The following DNAH7 variants were observed in gnomAD, a reference collection of about 807,000 sequenced individuals.
The protein encoded by DNAH7 is axonemal beta dynein heavy chain 7.
In DNAH7, 397 loss-of-function variants were observed where a neutral mutation model predicts 444.6. The ratio of observed to expected loss-of-function variants is 0.89; its 90% CI spans 0.82 to 0.97. The LOEUF (loss-of-function observed/expected upper bound fraction) is 0.97, where lower values mean the gene tolerates loss of function less well. Ranked by LOEUF, DNAH7 falls within the 50% of genes least tolerant of loss-of-function variation. The probability of loss-of-function intolerance (pLI) is 0.00; values close to 1 mark genes in which losing one functional copy is unlikely to be tolerated. For missense variants in DNAH7, 4,902 were observed against 4,800.8 expected, an observed-to-expected ratio of 1.02 and a Z score of -0.62; for synonymous variants, 1,636 against 1,624.4, an observed-to-expected ratio of 1.01 and a Z score of -0.17.
chr2:195,909,281 A>T (rs1353382654), intron 25 of DNAH7, among the ~76,000 whole-genome samples: 1 of 152,204 alleles, frequency 6.6e-6, no homozygotes, highest in African/African-American at 2.4e-5. Context: ...GCTTTGAAAA[A>T]TTACAGAAAA....
At position 195,881,837 on chromosome 2, in the gene DNAH7, T is replaced by C. The variant is rs372122578; in HGVS notation, c.5919A>G (p.Ile1973Met). 4.3e-6 allele frequency: 7 copies of C among 1,613,952 alleles called. No homozygotes were observed. Among genetic ancestry groups the C allele is most frequent in the Non-Finnish European group, 5.9e-6 (7 of 1,179,952 alleles). The change falls in exon 36 of 65, where the codon ATA becomes ATG. Residue 1973 changes from isoleucine (I) to methionine (M), a missense_variant. Transcript: ENST00000312428. ...TCCCAGTTCCTGTTGGTCCTACAAA[T>C]ATTGAAGGCTTTTGATGGGTGGTCA... ...ELLTTHQKPSIFVGPTGTGKS... is the reference protein window; with the variant it reads ...ELLTTHQKPSMFVGPTGTGKS...
chr2:195,896,549 A>G (rs1702329950), intron 29 of DNAH7, among the ~76,000 whole-genome samples: 1 of 152,200 alleles, frequency 6.6e-6, no homozygotes, highest in Non-Finnish European at 1.5e-5. Flanking sequence ...TAGTTCAAAA[A>G]TGGCAGCGTA....
chr2:195,931,215 T>C (rs886543743), intron 21 of DNAH7, among the ~76,000 whole-genome samples: 1 of 152,206 alleles, frequency 6.6e-6, no homozygotes, highest in East Asian at 1.9e-4. Flanking sequence ...TTTAGCTGCA[T>C]AAATGTCTTC....
At chr2:195,966,137 TTGTTA>T (rs766448305) in intron 17 of DNAH7, among the ~76,000 whole-genome samples, 45 of 152,226 alleles carry the variant, frequency 3.0e-4, no homozygotes, top group African/African-American at 8.7e-4. Context: ...ACCATATGTT[TTGTTA>T]TGTTGTGTTT....
intron 16 of DNAH7, among the ~76,000 whole-genome samples, chr2:195,970,950 C>T (rs1691799730): frequency 6.6e-6 from 1 of 152,096 alleles, no homozygotes; most frequent in South Asian, 2.1e-4. Context: ...TACTTTAAAA[C>T]ATAGCATAAA....
At position 195,737,867 on chromosome 2, in the gene DNAH7, T is replaced by TTCTC; in HGVS notation, c.*50_*53dup. ...AAAGGTTTAAGTAGTAAAATATGCTTTCTCTACTCAGCCAGCCAACAAGAA... is the reference window on the plus strand; with the variant it reads ...AAAGGTTTAAGTAGTAAAATATGCTTTCTCTCTCTACTCAGCCAGCCAACAAGAA... On this transcript the variant is annotated 3_prime_UTR_variant, in exon 65 of 65. Coordinates refer to ENST00000312428, the MANE Select transcript of DNAH7 (RefSeq NM_018897.3). The TTCTC allele has an allele frequency of 6.7e-7, 1 of 1,482,394 alleles. No individual in the cohort carries two copies. The highest frequency in any genetic ancestry group is 1.4e-5 in the African/African-American group (1 of 72,312). 91.8% of individuals were successfully genotyped at this position (1,482,394 alleles called of 1,614,324 possible).
At chr2:195,876,379 G>A (rs1007673783) in intron 37 of DNAH7, among the ~76,000 whole-genome samples, 165 bp downstream of exon 37, 2 of 152,188 alleles carry the variant, frequency 1.3e-5, no homozygotes, top group Non-Finnish European at 2.9e-5. Context: ...AAGCTGTCTA[G>A]TGCACATACA....
chr2:195,901,835 T>C (rs1027380578), intron 27 of DNAH7: 3 of 152,248 alleles, frequency 2.0e-5, no homozygotes, highest in South Asian at 2.1e-4. Flanking sequence ...ATTTTACAAA[T>C]TGTAAAGATA....
intron 35 of DNAH7, 36 bp downstream of exon 35, chr2:195,884,549 G>T: frequency 6.5e-7 from 1 of 1,529,460 alleles, no homozygotes; most frequent in Non-Finnish European, 9.1e-7. Context: ...GACTCTGCCA[G>T]GCTGGCAGCT....
intron 15 of DNAH7, among the ~76,000 whole-genome samples, chr2:195,981,439 A>G (rs1692565355): frequency 6.6e-6 from 1 of 151,900 alleles, no homozygotes; most frequent in African/African-American, 2.4e-5. Flanking sequence ...TGTCAATGAC[A>G]TTCCTCAGAA....
chr2:195,867,022 A>G, intron 40 of DNAH7, among the ~76,000 whole-genome samples: 1 of 152,236 alleles, frequency 6.6e-6, no homozygotes, highest in East Asian at 1.9e-4. Context: ...AGGCATCACT[A>G]GACATGTGGA....
At chr2:195,999,386 T>A in intron 12 of DNAH7, 1 of 609,178 alleles carries the variant, frequency 1.6e-6, no homozygotes, top group Admixed American at 2.8e-5. Context: ...TGGTCCTTGG[T>A]CTGCAAGGGT....
At position 196,023,654 on chromosome 2, in the gene DNAH7, G is replaced by A. The variant is rs548402840; in HGVS notation, c.743+775C>T. ...CTTCCAGACCACTTCCTCCATATCA[G>A]CAATAAGGCTGTTTCACTTTCTTGT... On this transcript the variant is annotated intron_variant, in intron 8 of 64. Coordinates refer to ENST00000312428, the MANE Select transcript of DNAH7 (RefSeq NM_018897.3). Among the ~76,000 whole-genome samples the A allele has an allele frequency of 4.8e-4, 73 of 152,270 alleles. 1 individual carries two copies. The highest frequency in any genetic ancestry group is 4.7e-3 in the Admixed American group (72 of 15,278).
intron 8 of DNAH7, 101 bp from the exon 9 acceptor site, chr2:196,019,396 C>T: frequency 1.1e-6 from 1 of 875,212 alleles, no homozygotes; most frequent in African/African-American, 1.7e-5. Flanking sequence ...AAAATATGTG[C>T]TGTATCCCTC....
chr2:195,908,572 C>T (rs1232645829), intron 25 of DNAH7, among the ~76,000 whole-genome samples: 1 of 152,048 alleles, frequency 6.6e-6, no homozygotes, highest in African/African-American at 2.4e-5. Flanking sequence ...AGATAATGAC[C>T]TCTAGTTCCA....
intron 25 of DNAH7, 100 bp from the exon 26 acceptor site, chr2:195,907,109 G>T (rs1165279740): frequency 1.1e-6 from 1 of 885,442 alleles, no homozygotes; most frequent in Non-Finnish European, 1.7e-6. Flanking sequence ...TTAATATCCT[G>T]TCAAAGAAAT....
At chr2:195,926,269 T>C (rs993593405) in intron 22 of DNAH7, among the ~76,000 whole-genome samples, 157 bp downstream of exon 22, 2 of 152,220 alleles carry the variant, frequency 1.3e-5, no homozygotes, top group African/African-American at 2.4e-5. Context: ...ATATTTGTTA[T>C]GTGCAATTTT....
chr2:195,760,760 A>G (rs995629716), intron 61 of DNAH7, among the ~76,000 whole-genome samples: 3 of 152,146 alleles, frequency 2.0e-5, no homozygotes, highest in Non-Finnish European at 2.9e-5. Context: ...TGCAGTGACC[A>G]AAAACTTAGA....
rs1693971422 is a variant in DNAH7 at position 196,000,565 on chromosome 2, G to A, written c.1353+139C>T. ...TTGAGAGGCCATTTGGAAAATGGTA[G>A]TTTTTTAGGAAAACTTTCTTATAAG... On this transcript the variant is annotated intron_variant, in intron 12 of 64. Transcript: ENST00000312428. 5.4e-6 allele frequency: 4 copies of A among 743,762 alleles called. No homozygotes were observed. In the Admixed American group the frequency reaches 1.3e-4, roughly 23 times the overall value. The allele number at this position is 743,762 out of a possible 1,614,324, so 46.1% of individuals were successfully genotyped here. A position where few individuals can be genotyped will look rare whatever the true frequency, so the allele number is the denominator to read the frequency against.
Sources: gnomAD v4.1 joint callset for allele counts (sites outside exome capture counted in the v4.1 genomes callset) on GRCh38, gnomAD v4.1.1 for gene constraint, MANE v1.5 for transcripts, NCBI Gene and HGNC (gene_info 2026-07-23, HGNC 2026-07-21) for gene names.